The following GUCY1A2 variants were observed in gnomAD, a reference collection of about 807,000 sequenced individuals.
GUCY1A2 encodes the protein guanylate cyclase 1 soluble subunit alpha 2.
A neutral mutation model predicts 63.5 loss-of-function variants in GUCY1A2; 27 were observed. The observed-to-expected ratio is 0.43, with a 90% CI of 0.31 to 0.59. The LOEUF is 0.59. Among genes scored for constraint, GUCY1A2 ranks in the 20% least tolerant of loss-of-function variants. The probability of loss-of-function intolerance (pLI) is 0.11; values close to 1 mark genes in which losing one functional copy is unlikely to be tolerated. For missense variants in GUCY1A2, 768 were observed against 913.3 expected, an observed-to-expected ratio of 0.84 and a Z score of 2.05; for synonymous variants, 364 against 343.5, an observed-to-expected ratio of 1.06 and a Z score of -0.66.
chr11:106,700,795 A>AT (rs538829087), intron 7 of GUCY1A2, among the ~76,000 whole-genome samples: 6,405 of 148,306 alleles, frequency 0.043, 161 homozygotes, highest in South Asian at 0.079. Context: ...GAGCATGTTG[A>AT]TTTTTTTTTT....
rs535328414 is a variant in GUCY1A2, at chr11:106,939,766, A to G, written c.900T>C (p.Asn300=). The G allele has an allele frequency of 7.4e-6, 12 of 1,613,884 alleles. No homozygotes were observed. Among genetic ancestry groups the G allele is most frequent in the Non-Finnish European group, 6.8e-6 (8 of 1,179,882 alleles). The change falls in exon 4 of 8, where the codon AAT becomes AAC. Residue 300 remains asparagine, a synonymous_variant. Transcript: ENST00000526355. ...TFLIKECENT[N]IMKNLPQGTS... is the part of the protein sequence containing the mutation. ...TTCCCTGTGGAAGGTTCTTCATGAT[A>G]TTAGTATTTTCACATTCTTTGATAA...
At chr11:106,927,060 G>A (rs1860534115) in intron 4 of GUCY1A2, among the ~76,000 whole-genome samples, 1 of 151,428 alleles carries the variant, frequency 6.6e-6, no homozygotes, top group Non-Finnish European at 1.5e-5. Context: ...TAAAATCTTT[G>A]AAATACATAA....
At chr11:106,802,235 C>A (rs923830562) in intron 5 of GUCY1A2, among the ~76,000 whole-genome samples, 1 of 152,112 alleles carries the variant, frequency 6.6e-6, no homozygotes, top group Non-Finnish European at 1.5e-5. Context: ...TTTTAGTAAA[C>A]TCACCCTATG....
intron 5 of GUCY1A2, among the ~76,000 whole-genome samples, chr11:106,779,036 A>T (rs1015173579): frequency 3.9e-5 from 6 of 152,154 alleles, no homozygotes; most frequent in Non-Finnish European, 7.3e-5. Flanking sequence ...AAAAAGATAT[A>T]CTGCATGAAA....
At chr11:106,699,770 T>A (rs1051109334) in intron 7 of GUCY1A2, among the ~76,000 whole-genome samples, 15 of 152,000 alleles carry the variant, frequency 9.9e-5, no homozygotes, top group African/African-American at 2.9e-4. Context: ...AAGAAAAATA[T>A]GTCTTTTTTC....
At chr11:106,846,535 G>A (rs971462444) in intron 4 of GUCY1A2, among the ~76,000 whole-genome samples, 1 of 151,624 alleles carries the variant, frequency 6.6e-6, no homozygotes, top group Non-Finnish European at 1.5e-5. Flanking sequence ...AAACGATTAA[G>A]AAGGAGCAGT....
At chr11:106,715,104 C>T (rs1001729119) in intron 6 of GUCY1A2, among the ~76,000 whole-genome samples, 1 of 152,086 alleles carries the variant, frequency 6.6e-6, no homozygotes, top group Non-Finnish European at 1.5e-5. Context: ...TAAAATAATG[C>T]AAAACTCTGG....
intron 4 of GUCY1A2, among the ~76,000 whole-genome samples, chr11:106,825,263 TA>T (rs1858953175): frequency 6.6e-6 from 1 of 152,154 alleles, no homozygotes; most frequent in Admixed American, 6.5e-5. Context: ...TACTTAGCTA[TA>T]TTTTTTCTTT....
intron 6 of GUCY1A2, among the ~76,000 whole-genome samples, chr11:106,774,070 T>C (rs1360637605): frequency 6.6e-6 from 1 of 152,154 alleles, no homozygotes; most frequent in Non-Finnish European, 1.5e-5. Flanking sequence ...TCTTCATGAA[T>C]AGCCAAGAGT....
chr11:106,895,697 G>A (rs1860037909), intron 4 of GUCY1A2, among the ~76,000 whole-genome samples: 1 of 152,044 alleles, frequency 6.6e-6, no homozygotes, highest in African/African-American at 2.4e-5. Flanking sequence ...CCCAGTCCCA[G>A]GTATGTCTTT....
chr11:106,707,241 G>GT (rs759647721), intron 7 of GUCY1A2, among the ~76,000 whole-genome samples: 19 of 152,014 alleles, frequency 1.2e-4, no homozygotes, highest in Non-Finnish European at 5.9e-5. Flanking sequence ...GAATCTGGAA[G>GT]TATCTGCTTT....
chr11:106,686,307 C>A lies in GUCY1A2; in HGVS notation c.*1242G>T, dbSNP rs371504793. 5.0e-5 allele frequency: 11 copies of A among 219,320 alleles called. No individual in the cohort carries two copies. In the South Asian group the frequency reaches 2.0e-3, roughly 41 times the overall value. The allele number at this position is 219,320 out of a possible 1,614,324, so 13.6% of individuals were successfully genotyped here. On this transcript the variant is annotated 3_prime_UTR_variant, in exon 8 of 8. Coordinates refer to ENST00000526355, the MANE Select transcript of GUCY1A2 (RefSeq NM_000855.3). ...TCTGTAACTATAATGATTACTAGTTCTGAAGATTATACCTACTTCAGTATT... is the reference window on the plus strand; with the variant it reads ...TCTGTAACTATAATGATTACTAGTTATGAAGATTATACCTACTTCAGTATT...
intron 3 of GUCY1A2, among the ~76,000 whole-genome samples, chr11:106,949,980 CAT>C (rs575595292): frequency 2.6e-5 from 4 of 152,174 alleles, no homozygotes; most frequent in Non-Finnish European, 4.4e-5. Context: ...GATAGAAATT[CAT>C]ATGTGTGCAT....
At chr11:106,957,311 T>TC (rs1216994362) in intron 3 of GUCY1A2, among the ~76,000 whole-genome samples, 4 of 149,046 alleles carry the variant, frequency 2.7e-5, no homozygotes, top group Non-Finnish European at 4.5e-5. Context: ...TGCCTCTTCT[T>TC]CCCCCCTCCC....
At chr11:106,944,862 TC>T (rs1318868580) in intron 3 of GUCY1A2, among the ~76,000 whole-genome samples, 2 of 152,150 alleles carry the variant, frequency 1.3e-5, no homozygotes, top group African/African-American at 4.8e-5. Context: ...AAAGCACATG[TC>T]CGTGTCTTTC....
At chr11:106,996,356 ATTCAACCATC>A (rs1441193175) in intron 1 of GUCY1A2, among the ~76,000 whole-genome samples, 1 of 152,226 alleles carries the variant, frequency 6.6e-6, no homozygotes, top group Non-Finnish European at 1.5e-5. Flanking sequence ...AAGAAAAATG[ATTCAACCATC>A]TTAACTAAAA....
chr11:107,006,878 A>G (rs1861678402), intron 1 of GUCY1A2, among the ~76,000 whole-genome samples: 1 of 152,212 alleles, frequency 6.6e-6, no homozygotes, highest in South Asian at 2.1e-4. Flanking sequence ...ATTTCATAGA[A>G]TTTCATCTGC....
chr11:106,754,606 G>C (rs996879687), intron 6 of GUCY1A2, among the ~76,000 whole-genome samples: 1 of 152,190 alleles, frequency 6.6e-6, no homozygotes, highest in Admixed American at 6.5e-5. Context: ...TGCAGCTATT[G>C]AGATAATCAT....
chr11:107,004,187 C>T (rs188240997), intron 1 of GUCY1A2, among the ~76,000 whole-genome samples: 192 of 152,212 alleles, frequency 1.3e-3, no homozygotes, highest in African/African-American at 4.5e-3. Context: ...TGAATCATGA[C>T]GTCCACCACA....
Sources: allele counts gnomAD v4.1 joint callset (sites outside exome capture counted in the v4.1 genomes callset), GRCh38; gene constraint gnomAD v4.1.1; transcripts MANE v1.5; gene names NCBI Gene and HGNC (gene_info 2026-07-23, HGNC 2026-07-21).